B3GALT1: variants seen among roughly 807,000 people sequenced by gnomAD.
The protein encoded by B3GALT1 is UDP-Gal:betaGlcNAc beta 1,3-galactosyltransferase, polypeptide 1.
In B3GALT1, 10 loss-of-function variants were observed where a neutral mutation model predicts 23.2. That is an observed-to-expected ratio of 0.43 (90% CI 0.27 to 0.73). The LOEUF (loss-of-function observed/expected upper bound fraction) is 0.73, where lower values mean the gene tolerates loss of function less well. B3GALT1 is among the 30% of genes least tolerant of loss of function. B3GALT1 has a pLI of 0.21. For missense variants in B3GALT1, 299 were observed against 405.4 expected (o/e 0.74, Z 2.25); for synonymous variants, 156 against 141.5 (o/e 1.10, Z -0.73).
chr2:167,374,343 T>C (rs576805817), intron 1 of B3GALT1, among the ~76,000 whole-genome samples: 54 of 152,202 alleles, frequency 3.5e-4, no homozygotes, highest in Non-Finnish European at 7.1e-4. Flanking sequence ...TGGGTCTTTT[T>C]GGTAGAATGA....
At chr2:167,346,585 A>C (rs1469504653) in intron 1 of B3GALT1, among the ~76,000 whole-genome samples, 1 of 152,210 alleles carries the variant, frequency 6.6e-6, no homozygotes, top group Non-Finnish European at 1.5e-5. Context: ...CCAAGGCTTG[A>C]TGGAATAATG....
At chr2:167,635,962 C>G (rs1043835649) in intron 2 of B3GALT1, among the ~76,000 whole-genome samples, 3 of 151,990 alleles carry the variant, frequency 2.0e-5, no homozygotes, top group African/African-American at 4.8e-5. Flanking sequence ...GCTACAGCAA[C>G]CAAAACAGCA....
chr2:167,355,143 G>A (rs1697380469), intron 1 of B3GALT1, among the ~76,000 whole-genome samples: 1 of 152,158 alleles, frequency 6.6e-6, no homozygotes, highest in Non-Finnish European at 1.5e-5. Flanking sequence ...CCTATAAAGT[G>A]GTCATTAAGC....
At chr2:167,676,258 T>G (rs186173770) in intron 3 of B3GALT1, among the ~76,000 whole-genome samples, 74 of 152,286 alleles carry the variant, frequency 4.9e-4, no homozygotes, top group African/African-American at 1.7e-3. Context: ...AAATAACTTT[T>G]TTATCCCAAA....
intron 1 of B3GALT1, among the ~76,000 whole-genome samples, chr2:167,478,371 C>CAGAA (rs1699516229): frequency 6.6e-6 from 1 of 152,054 alleles, no homozygotes; most frequent in East Asian, 1.9e-4. Flanking sequence ...AGAAAGAACT[C>CAGAA]CTTGTTTGCT....
intron 3 of B3GALT1, among the ~76,000 whole-genome samples, chr2:167,750,275 A>G (rs115311020): frequency 9.6e-4 from 146 of 152,320 alleles, no homozygotes; most frequent in African/African-American, 3.3e-3. Flanking sequence ...TGTATTTCCA[A>G]TCCAATAAAG....
At chr2:167,383,084 A>G (rs1006526250) in intron 1 of B3GALT1, among the ~76,000 whole-genome samples, 3 of 152,124 alleles carry the variant, frequency 2.0e-5, no homozygotes, top group African/African-American at 7.2e-5. Flanking sequence ...TACACATTAT[A>G]TATGTGTAAG....
At chr2:167,746,139 A>G (rs1370412434) in intron 3 of B3GALT1, among the ~76,000 whole-genome samples, 1 of 152,230 alleles carries the variant, frequency 6.6e-6, no homozygotes, top group Non-Finnish European at 1.5e-5. Flanking sequence ...CCTCTATTAG[A>G]TAACTTACAT....
rs1306043190 is a variant in B3GALT1 at position 167,495,640 on chromosome 2, C to A, written c.-410+5363C>A. Among the ~76,000 whole-genome samples, 6 of 152,074 alleles carry A rather than the reference C, an allele frequency of 3.9e-5. No individual in the cohort carries two copies. The East Asian group carries it at 1.2e-3, about 29-fold the overall frequency. On this transcript the variant is annotated intron_variant, in intron 2 of 4. Coordinates refer to ENST00000392690, the MANE Select transcript of B3GALT1 (RefSeq NM_020981.4). ...GAGCCACCGTGCCCGGCTTTGCCAG[C>A]TTTCTTACCAATCAAAAGTATAAGC...
At chr2:167,549,307 A>G (rs891813381) in intron 2 of B3GALT1, among the ~76,000 whole-genome samples, 2 of 152,166 alleles carry the variant, frequency 1.3e-5, no homozygotes, top group Non-Finnish European at 2.9e-5. Context: ...CCTGCATACT[A>G]ACCTTCCTTG....
intron 2 of B3GALT1, among the ~76,000 whole-genome samples, chr2:167,525,995 T>C (rs1195183333): frequency 6.6e-6 from 1 of 152,074 alleles, no homozygotes; most frequent in Non-Finnish European, 1.5e-5. Flanking sequence ...CACTTCTTTA[T>C]TTTCTGGTTC....
At chr2:167,641,092 G>C (rs1048444835) in intron 2 of B3GALT1, among the ~76,000 whole-genome samples, 1 of 152,122 alleles carries the variant, frequency 6.6e-6, no homozygotes, top group African/African-American at 2.4e-5. Flanking sequence ...TTGGGTGAGA[G>C]CTAAAATATA....
chr2:167,846,792 T>A (rs545774252), intron 4 of B3GALT1, among the ~76,000 whole-genome samples: 2 of 152,152 alleles, frequency 1.3e-5, no homozygotes, highest in South Asian at 4.2e-4. Context: ...ATGGCCTAAA[T>A]CCTCCACTTA....
chr2:167,781,240 G>C (rs1688240074), intron 3 of B3GALT1, among the ~76,000 whole-genome samples: 1 of 152,096 alleles, frequency 6.6e-6, no homozygotes, highest in South Asian at 2.1e-4. Context: ...CTTTAATACT[G>C]TTAAATTTAA....
intron 3 of B3GALT1, among the ~76,000 whole-genome samples, chr2:167,798,983 G>A (rs1688588466): frequency 6.6e-6 from 1 of 152,126 alleles, no homozygotes; most frequent in South Asian, 2.1e-4. Context: ...ACCCATAGTA[G>A]GGCTTCAATA....
intron 2 of B3GALT1, among the ~76,000 whole-genome samples, chr2:167,570,237 G>A (rs931902358): frequency 6.6e-6 from 1 of 151,868 alleles, no homozygotes; most frequent in African/African-American, 2.4e-5. Flanking sequence ...TAGAGAATTG[G>A]TGTAATTTCT....
chr2:167,848,057 G>A (rs985185544), intron 4 of B3GALT1, among the ~76,000 whole-genome samples: 2 of 151,992 alleles, frequency 1.3e-5, no homozygotes, highest in African/African-American at 4.8e-5. Context: ...TAGATACCCT[G>A]AACAGAACAA....
chr2:167,310,130 A>G (rs1223474963), intron 1 of B3GALT1, among the ~76,000 whole-genome samples: 1 of 152,138 alleles, frequency 6.6e-6, no homozygotes, highest in African/African-American at 2.4e-5. Context: ...CTCAAAAGCA[A>G]TAGACAAGAA....
chr2:167,481,006 G>A (rs1267212150), intron 1 of B3GALT1, among the ~76,000 whole-genome samples: 8 of 152,078 alleles, frequency 5.3e-5, no homozygotes, highest in Non-Finnish European at 4.4e-5. Context: ...TATAAGATTT[G>A]GTTCTTGATA....
Sources: allele counts gnomAD v4.1 joint callset (sites outside exome capture counted in the v4.1 genomes callset), GRCh38; gene constraint gnomAD v4.1.1; transcripts MANE v1.5; gene names NCBI Gene and HGNC (gene_info 2026-07-23, HGNC 2026-07-21).